Variants in SLC44A5 observed in about 807,000 individuals in gnomAD.
The protein encoded by SLC44A5 is solute carrier family 44 member 5.
Under a neutral mutation model 101.8 loss-of-function variants are expected in SLC44A5, and 57 were observed. The ratio of observed to expected loss-of-function variants is 0.56; its 90% CI spans 0.45 to 0.70. SLC44A5 has a LOEUF of 0.70. Ranked by LOEUF, SLC44A5 falls within the 30% of genes least tolerant of loss-of-function variation. The probability of loss-of-function intolerance (pLI) is 0.00; values close to 1 mark genes in which losing one functional copy is unlikely to be tolerated. For synonymous variants in SLC44A5, 281 were observed against 290.9 expected (o/e 0.97, Z 0.35); for missense variants, 737 against 853.1 (o/e 0.86, Z 1.70).
At chr1:75,316,826 A>G (rs1655725852) in intron 4 of SLC44A5, among the ~76,000 whole-genome samples, 1 of 152,198 alleles carries the variant, frequency 6.6e-6, no homozygotes, top group Admixed American at 6.6e-5. Context: ...TGGCTATGAA[A>G]GAAATGCTTA....
At chr1:75,327,152 T>A (rs1034896289) in intron 4 of SLC44A5, among the ~76,000 whole-genome samples, 2 of 151,790 alleles carry the variant, frequency 1.3e-5, no homozygotes. Flanking sequence ...ACCAAAAACA[T>A]GAGATTAGTA....
the SLC44A5 span, among the ~76,000 whole-genome samples, chr1:75,634,972 A>G: frequency 1.3e-5 from 2 of 152,000 alleles, no homozygotes; most frequent in Non-Finnish European, 2.9e-5. Context: ...GAAAAAAACA[A>G]ACAACCCCAT....
the SLC44A5 span, among the ~76,000 whole-genome samples, chr1:75,686,562 TAAG>T: frequency 5.9e-5 from 9 of 152,082 alleles, no homozygotes; most frequent in Admixed American, 2.0e-4. Context: ...GTCAAAGAGG[TAAG>T]AAGGAGTCAG....
intron 2 of SLC44A5, among the ~76,000 whole-genome samples, chr1:75,521,309 T>C (rs928460793): frequency 5.3e-5 from 8 of 152,178 alleles, no homozygotes; most frequent in Non-Finnish European, 8.8e-5. Context: ...TAGTGTAACG[T>C]CTGGGACGAC....
At chr1:75,440,665 G>A (rs1041313629) in intron 2 of SLC44A5, among the ~76,000 whole-genome samples, 1 of 152,114 alleles carries the variant, frequency 6.6e-6, no homozygotes, top group Non-Finnish European at 1.5e-5. Flanking sequence ...GAGAAGCAAG[G>A]AAACCAGCTG....
intron 1 of SLC44A5, among the ~76,000 whole-genome samples, chr1:75,599,402 A>C (rs575263297): frequency 1.3e-5 from 2 of 152,240 alleles, no homozygotes; most frequent in African/African-American, 4.8e-5. Context: ...CCAGAGCGAC[A>C]CTCTAACCTG....
In SLC44A5 at chr1:75,217,954, GTGATATC is replaced by G; in HGVS notation, c.1530-1_1535del. 6.3e-7 allele frequency: 1 copy of G among 1,584,576 alleles called. No individual in the cohort carries two copies. The highest frequency in any genetic ancestry group is 8.7e-7 in the Non-Finnish European group (1 of 1,154,192). On this transcript the variant is annotated splice_acceptor_variant and coding_sequence_variant, in exon 18 of 24. Transcript: ENST00000370859. LOFTEE classifies it high-confidence loss of function. ...AAGATCCAAATGCTAGGGATCCTGTGTGATATCTGCACAAAAATAAAATGAGAATAAG... is the reference window on the plus strand; with the variant it reads ...AAGATCCAAATGCTAGGGATCCTGTGTGCACAAAAATAAAATGAGAATAAG...
At position 75,460,525 on chromosome 1, in the gene SLC44A5, G is replaced by C. The variant is rs377501085; in HGVS notation, c.14-63904C>G. On this transcript the variant is annotated intron_variant, in intron 2 of 23. Transcript: ENST00000370859. ...AAGCCCATTTACAAACAAAGTTGGT[G>C]TATTGCTAAACCTACTGTGTAGATT... Among the ~76,000 whole-genome samples the C allele has an allele frequency of 3.9e-5, 6 of 152,272 alleles. No individual in the cohort carries two copies. The South Asian group carries it at 1.2e-3, about 32-fold the overall frequency.
chr1:75,569,419 T>C (rs1273448792), intron 1 of SLC44A5, among the ~76,000 whole-genome samples: 5 of 151,984 alleles, frequency 3.3e-5, no homozygotes, highest in Admixed American at 6.6e-5. Context: ...TTTTTGTATT[T>C]TTTGTAGAGA....
chr1:75,373,684 C>T (rs114803472), intron 3 of SLC44A5, among the ~76,000 whole-genome samples: 1 of 152,134 alleles, frequency 6.6e-6, no homozygotes, highest in South Asian at 2.1e-4. Context: ...GCCTTGTCCA[C>T]CAGTCCCTCC....
intron 3 of SLC44A5, among the ~76,000 whole-genome samples, chr1:75,373,414 G>A (rs760619799): frequency 5.3e-5 from 8 of 152,104 alleles, no homozygotes; most frequent in Non-Finnish European, 1.2e-4. Context: ...AGAGACAAGA[G>A]ATCCCATTAC....
At chr1:75,712,713 A>AAAAAAGAAAAAAAAAAAAAAAAAAAAAC in the SLC44A5 span, among the ~76,000 whole-genome samples, 1 of 110,642 alleles carries the variant, frequency 9.0e-6, no homozygotes, top group Non-Finnish European at 1.8e-5. Context: ...AAAAAAAAAA[A>AAAAAAGAAAAAAAAAAAAAAAAAAAAAC]ATGGAAAAGA....
chr1:75,710,880 T>C, the SLC44A5 span, among the ~76,000 whole-genome samples: 1 of 152,206 alleles, frequency 6.6e-6, no homozygotes, highest in Non-Finnish European at 1.5e-5. Flanking sequence ...ACAACTAATA[T>C]AATCATCTCT....
chr1:75,206,513 A>G, intron 23 of SLC44A5: 1 of 852,400 alleles, frequency 1.2e-6, no homozygotes, highest in South Asian at 1.6e-5. Context: ...AAGCACAGAA[A>G]TTTCACATTA....
At chr1:75,231,568 A>G (rs1647577774) in intron 12 of SLC44A5, among the ~76,000 whole-genome samples, 1 of 152,140 alleles carries the variant, frequency 6.6e-6, no homozygotes, top group African/African-American at 2.4e-5. Context: ...CCTCAATAAT[A>G]TTCCTGAATA....
chr1:75,227,492 T>G (rs1248176745), intron 13 of SLC44A5, among the ~76,000 whole-genome samples: 1 of 152,220 alleles, frequency 6.6e-6, no homozygotes, highest in East Asian at 1.9e-4. Context: ...ACAATTTTAA[T>G]TTGAAGGCAA....
rs112999843 is a variant in SLC44A5, at chr1:75,438,207, T to C, written c.14-41586A>G. Among the ~76,000 whole-genome samples the C allele has an allele frequency of 1.3e-3, 202 of 152,254 alleles. 1 individual carries two copies. The highest frequency in any genetic ancestry group is 4.7e-3 in the African/African-American group (197 of 41,576). Reference sequence around the variant, plus strand: ...TATTAAGAGAAATGAAGGCTAGTCATTGGATTCAGCAATCTGGAAGTTATT... The same window carrying C: ...TATTAAGAGAAATGAAGGCTAGTCACTGGATTCAGCAATCTGGAAGTTATT... On this transcript the variant is annotated intron_variant, in intron 2 of 23. Coordinates refer to ENST00000370859, the MANE Select transcript of SLC44A5 (RefSeq NM_001130058.2).
In SLC44A5 at chr1:75,611,068, C is replaced by T; in HGVS notation, c.-98G>A. On this transcript the variant is annotated 5_prime_UTR_variant, in exon 1 of 24. Coordinates refer to ENST00000370859, the MANE Select transcript of SLC44A5 (RefSeq NM_001130058.2). ...TTACTCCATCATTTCTTCAATAACTCCATCAACACTGAACCTTCTAACTCT... is the reference window on the plus strand; with the variant it reads ...TTACTCCATCATTTCTTCAATAACTTCATCAACACTGAACCTTCTAACTCT... 1.0e-6 allele frequency: 1 copy of T among 985,326 alleles called. No homozygotes were observed. The highest frequency in any genetic ancestry group is 1.2e-6 in the Non-Finnish European group (1 of 829,896). 61.0% of individuals were successfully genotyped at this position (985,326 alleles called of 1,614,324 possible). A position where few individuals can be genotyped will look rare whatever the true frequency, so the allele number is the denominator to read the frequency against.
intron 11 of SLC44A5, 29 bp downstream of exon 11, chr1:75,236,958 A>C: frequency 1.6e-6 from 2 of 1,236,482 alleles, no homozygotes; most frequent in Non-Finnish European, 2.4e-6. Context: ...ATGGGGCTGG[A>C]GAAGAAACAT....
Sources: allele counts gnomAD v4.1 joint callset (sites outside exome capture counted in the v4.1 genomes callset), GRCh38; gene constraint gnomAD v4.1.1; transcripts MANE v1.5; gene names NCBI Gene and HGNC (gene_info 2026-07-23, HGNC 2026-07-21).